TRAK1: variants seen among roughly 807,000 people sequenced by gnomAD.
TRAK1 encodes the protein trafficking kinesin protein 1.
Under a neutral mutation model 92.1 loss-of-function variants are expected in TRAK1, and 33 were observed. The observed-to-expected ratio is 0.36, with a 90% CI of 0.27 to 0.48. The LOEUF (loss-of-function observed/expected upper bound fraction) is 0.48. Ranked by LOEUF, TRAK1 falls within the 20% of genes least tolerant of loss-of-function variation. The probability of loss-of-function intolerance (pLI) is 0.99; values close to 1 mark genes in which losing one functional copy is unlikely to be tolerated. For synonymous variants in TRAK1, 521 were observed against 517.3 expected (o/e 1.01, Z -0.10); for missense variants, 1,123 against 1,257.9 (o/e 0.89, Z 1.62).
At chr3:42,180,151 T>G (rs368913059) in intron 3 of TRAK1, among the ~76,000 whole-genome samples, 1 of 152,206 alleles carries the variant, frequency 6.6e-6, no homozygotes, top group Non-Finnish European at 1.5e-5. Flanking sequence ...GTTGCCTCAG[T>G]AAAATTAAAG....
At chr3:42,184,312 C>T (rs576923214) in intron 3 of TRAK1, among the ~76,000 whole-genome samples, 3 of 152,222 alleles carry the variant, frequency 2.0e-5, no homozygotes, top group Admixed American at 6.5e-5. Flanking sequence ...TTCCCTGTGC[C>T]GGGCCCTGGC....
intron 2 of TRAK1, among the ~76,000 whole-genome samples, chr3:42,134,263 T>C (rs909094694): frequency 3.5e-5 from 5 of 143,656 alleles, no homozygotes; most frequent in Non-Finnish European, 4.6e-5. Context: ...CCTTTCTTCC[T>C]TACCTTTCCT....
chr3:42,171,671 A>G (rs1026702106), intron 2 of TRAK1, among the ~76,000 whole-genome samples: 1 of 152,064 alleles, frequency 6.6e-6, no homozygotes, highest in South Asian at 2.1e-4. Context: ...TAGAAACCCC[A>G]ATGCCACACC....
rs1284442443 is a variant in TRAK1 at position 42,223,346 on chromosome 3, A to G, written c.2471A>G (p.Glu824Gly). The change falls in exon 16 of 16, where the codon GAA becomes GGA. Residue 824 changes from glutamate (E) to glycine (G), a missense_variant. Physicochemically the swap from Glu to Gly is moderately conservative, Grantham distance 98. This residue lies in a region of TRAK1 where 401 missense variants were observed against 438.9 expected (regional missense o/e 0.91). Transcript: ENST00000327628. This position sits in a 1 kb window ranked among gnomAD's most constrained non-coding sequence, Gnocchi z 6.1. ...AGCTCCATCCTGAGGGAAGTGAGAG[A>G]AAAGAACGTCCGCAGCAGCGAGAGC... ...PASSILREVR[E>G]KNVRSSESQT... 3.1e-6 allele frequency: 5 copies of G among 1,614,090 alleles called. No individual in the cohort carries two copies. The highest frequency in any genetic ancestry group is 2.2e-5 in the East Asian group (1 of 44,886).
chr3:42,085,583 A>G (rs1283201731), upstream of TRAK1, among the ~76,000 whole-genome samples: 25 of 152,240 alleles, frequency 1.6e-4, no homozygotes, highest in Non-Finnish European at 1.5e-5. Flanking sequence ...GAAAAAGGTC[A>G]CAGATTCAGG....
At chr3:42,158,883 C>T (rs1423886573) in intron 2 of TRAK1, among the ~76,000 whole-genome samples, 3 of 150,220 alleles carry the variant, frequency 2.0e-5, no homozygotes, top group East Asian at 1.9e-4. Flanking sequence ...GGTGTGAACC[C>T]GGGAGGCGGA....
intron 1 of TRAK1, among the ~76,000 whole-genome samples, chr3:42,024,878 AGAGT>A (rs1701858609): frequency 6.6e-6 from 1 of 152,180 alleles, no homozygotes; most frequent in South Asian, 2.1e-4. Flanking sequence ...CCCTGGACTG[AGAGT>A]GAGAGATCCC....
chr3:42,202,694 G>A lies in TRAK1; in HGVS notation c.1686G>A (p.Met562Ile), dbSNP rs1330497915. Reference sequence around the variant, plus strand: ...CCGAGTTCACCGGCTTCTCTGGCATGTCCTTCAGCAGCCGCTCCTACCTGC... The same window carrying A: ...CCGAGTTCACCGGCTTCTCTGGCATATCCTTCAGCAGCCGCTCCTACCTGC... Reference protein sequence around the residue: ...RFSEFTGFSGMSFSSRSYLPE... With the variant: ...RFSEFTGFSGISFSSRSYLPE... Residue 562 changes from methionine (M) to isoleucine (I), a missense_variant, in exon 13 of 16, where the codon ATG (methionine) becomes ATA (isoleucine). Met to Ile is a conservative substitution (Grantham distance 10). Transcript: ENST00000327628. The surrounding 1 kb of genome is among the most constrained non-coding windows in gnomAD (Gnocchi z 6.1). 1 of 1,613,590 alleles carries A rather than the reference G, an allele frequency of 6.2e-7. No homozygotes were observed. The highest frequency in any genetic ancestry group is 1.3e-5 in the African/African-American group (1 of 74,954).
intron 1 of TRAK1, among the ~76,000 whole-genome samples, chr3:42,036,651 G>T (rs1702336485): frequency 6.6e-6 from 1 of 152,216 alleles, no homozygotes; most frequent in Admixed American, 6.5e-5. Flanking sequence ...CACACAAGGG[G>T]AAAATTAGCG....
chr3:42,138,722 A>AT (rs1336187687), intron 2 of TRAK1, among the ~76,000 whole-genome samples: 4 of 121,154 alleles, frequency 3.3e-5, no homozygotes, highest in African/African-American at 1.0e-4. Flanking sequence ...CTCCATATCT[A>AT]TTAAAAAAAA....
chr3:42,129,681 C>T (rs1192005571), intron 2 of TRAK1, among the ~76,000 whole-genome samples: 3 of 152,148 alleles, frequency 2.0e-5, no homozygotes, highest in African/African-American at 7.2e-5. Flanking sequence ...AGTCAACGTA[C>T]GGTACTTGCA....
At chr3:42,120,775 T>C (rs897823535) in intron 1 of TRAK1, among the ~76,000 whole-genome samples, 4 of 152,324 alleles carry the variant, frequency 2.6e-5, no homozygotes, top group South Asian at 2.1e-4. Context: ...CTCGATCTCT[T>C]GACCTCGTGT....
At chr3:42,218,063 A>G in intron 14 of TRAK1, 2 of 985,144 alleles carry the variant, frequency 2.0e-6, no homozygotes, top group Non-Finnish European at 2.4e-6. Context: ...CTGCTTTGAC[A>G]CACAGACCCG....
chr3:42,086,178 C>T (rs1704662598), upstream of TRAK1, among the ~76,000 whole-genome samples: 1 of 152,238 alleles, frequency 6.6e-6, no homozygotes, highest in Non-Finnish European at 1.5e-5. Context: ...TGTAGGTGTG[C>T]TGTTGCCGGC....
intron 1 of TRAK1, among the ~76,000 whole-genome samples, chr3:42,082,182 A>C (rs1386757313): frequency 6.6e-6 from 1 of 152,228 alleles, no homozygotes; most frequent in Admixed American, 6.5e-5. Context: ...AAACATCGAT[A>C]CTAGGAGGAG....
intron 14 of TRAK1, chr3:42,218,037 C>T (rs752338611): frequency 4.0e-5 from 39 of 985,104 alleles, no homozygotes; most frequent in Non-Finnish European, 4.2e-5. Flanking sequence ...GCTGTCACGT[C>T]AGGTGCCATG....
chr3:42,221,011 T>C (rs1710289733), intron 15 of TRAK1, among the ~76,000 whole-genome samples: 1 of 151,116 alleles, frequency 6.6e-6, no homozygotes, highest in Admixed American at 6.6e-5. Context: ...CAAACACAGG[T>C]TTTCATGTGG....
At chr3:42,038,661 G>A (rs1028051806) in intron 1 of TRAK1, among the ~76,000 whole-genome samples, 3 of 151,786 alleles carry the variant, frequency 2.0e-5, no homozygotes, top group Non-Finnish European at 2.9e-5. Flanking sequence ...GGTGGCGGGC[G>A]CCTGTAATCC....
At chr3:42,093,692 C>T (rs1361354405) in intron 1 of TRAK1, among the ~76,000 whole-genome samples, 12 of 36,320 alleles carry the variant, frequency 3.3e-4, no homozygotes, top group African/African-American at 8.1e-4. Context: ...CTCCCCTCCC[C>T]TCCCCTCCCC....
Sources: allele counts gnomAD v4.1 joint callset (sites outside exome capture counted in the v4.1 genomes callset), GRCh38; gene constraint gnomAD v4.1.1; regional missense constraint gnomAD v4.1.1; non-coding constraint Gnocchi (gnomAD v3.1); transcripts MANE v1.5; gene names NCBI Gene and HGNC (gene_info 2026-07-23, HGNC 2026-07-21).